FNDC3B: variants seen among roughly 807,000 people sequenced by gnomAD.
FNDC3B encodes the protein fibronectin type III domain-containing protein 3B.
A neutral mutation model predicts 151.5 loss-of-function variants in FNDC3B; 12 were observed. The ratio of observed to expected loss-of-function variants is 0.08; its 90% CI spans 0.05 to 0.13. The LOEUF is 0.13. Among genes scored for constraint, FNDC3B ranks in the 10% least tolerant of loss-of-function variants. FNDC3B has a pLI of 1.00. For synonymous variants in FNDC3B, 528 were observed against 549.0 expected (o/e 0.96, Z 0.54); for missense variants, 1,214 against 1,505.3 (o/e 0.81, Z 3.20).
Position 172,319,768 on chromosome 3 carries a change from T to A in FNDC3B, c.1254+8887T>A, listed in dbSNP as rs758380830. On this transcript the variant is annotated intron_variant, in intron 11 of 25. Coordinates refer to ENST00000415807, the MANE Select transcript of FNDC3B (RefSeq NM_022763.4). ...TTATTTCTGAAGCCAACATTGGTCTTTGATGTTGCCTAGGATCAGCCGGTG... is the reference window on the plus strand; with the variant it reads ...TTATTTCTGAAGCCAACATTGGTCTATGATGTTGCCTAGGATCAGCCGGTG... 3.9e-5 allele frequency among the ~76,000 whole-genome samples: 6 copies of A among 152,336 alleles called. No individual in the cohort carries two copies. In the East Asian group the frequency reaches 7.7e-4, roughly 20 times the overall value.
chr3:172,104,080 A>G (rs1183062602), intron 1 of FNDC3B, among the ~76,000 whole-genome samples: 27 of 152,184 alleles, frequency 1.8e-4, no homozygotes, highest in Admixed American at 1.7e-3. Context: ...TCTTTTCTCA[A>G]CATTTTACTT....
chr3:172,198,075 CT>C (rs2108683783), intron 3 of FNDC3B, among the ~76,000 whole-genome samples: 1 of 152,126 alleles, frequency 6.6e-6, no homozygotes, highest in Non-Finnish European at 1.5e-5. Context: ...TTTTTTAATG[CT>C]CAAAATTCCT....
At chr3:172,084,470 T>TACACACACACACAC (rs774135456) in intron 1 of FNDC3B, among the ~76,000 whole-genome samples, 1,203 of 46,564 alleles carry the variant, frequency 0.026, 10 homozygotes, top group Admixed American at 0.057. Context: ...TATGTATATG[T>TACACACACACACAC]ATACACACAC....
At chr3:172,041,397 C>CTT (rs1481810219) in intron 1 of FNDC3B, among the ~76,000 whole-genome samples, 10 of 148,030 alleles carry the variant, frequency 6.8e-5, no homozygotes, top group Non-Finnish European at 1.3e-4. Flanking sequence ...TTCTTTCTTT[C>CTT]TTTCTCCTTC....
intron 23 of FNDC3B, among the ~76,000 whole-genome samples, chr3:172,367,294 TTAC>T (rs1734679703): frequency 3.3e-5 from 5 of 152,054 alleles, no homozygotes; most frequent in African/African-American, 1.2e-4. Context: ...TTTTCTTGAA[TTAC>T]TACTATGTGC....
At chr3:172,124,310 C>T (rs567193517) in intron 2 of FNDC3B, among the ~76,000 whole-genome samples, 27 of 152,322 alleles carry the variant, frequency 1.8e-4, no homozygotes, top group African/African-American at 6.5e-4. Context: ...AGTCTGGTCT[C>T]GAAGTCCCAG....
intron 3 of FNDC3B, among the ~76,000 whole-genome samples, chr3:172,202,274 T>C (rs764939052): frequency 3.9e-5 from 6 of 152,232 alleles, no homozygotes; most frequent in Non-Finnish European, 5.9e-5. Context: ...CAAAAAGGCG[T>C]CTTTCCTTTA....
chr3:172,042,955 C>T (rs1163616360), intron 1 of FNDC3B, among the ~76,000 whole-genome samples: 2 of 152,074 alleles, frequency 1.3e-5, no homozygotes, highest in Non-Finnish European at 2.9e-5. Context: ...CGCTCTGTAG[C>T]CCAGGCTGGA....
intron 5 of FNDC3B, among the ~76,000 whole-genome samples, chr3:172,250,878 G>A (rs1181885022): frequency 2.0e-5 from 3 of 152,126 alleles, no homozygotes; most frequent in African/African-American, 7.2e-5. Flanking sequence ...GTGCAGTGAT[G>A]CAATCTCAGT....
At chr3:172,242,643 G>T (rs184215905) in intron 4 of FNDC3B, among the ~76,000 whole-genome samples, 2 of 152,296 alleles carry the variant, frequency 1.3e-5, no homozygotes, top group East Asian at 3.9e-4. Flanking sequence ...ACAGCATGGG[G>T]ACTCTGGGCC....
chr3:172,057,532 T>C (rs1716972932), intron 1 of FNDC3B, among the ~76,000 whole-genome samples: 1 of 152,066 alleles, frequency 6.6e-6, no homozygotes, highest in African/African-American at 2.4e-5. Context: ...TAAAAGGGGT[T>C]GGGGGGAAGA....
In FNDC3B at chr3:172,043,617, T is replaced by C. The variant is rs901686426; in HGVS notation, c.-29+3846T>C. The stretch of plus-strand genomic sequence containing the variant: ...TAGTTCATTTTTCTTTCTTCTACGA[T>C]ATCAGAAGTTACATTCAGCCCTTAA... On this transcript the variant is annotated intron_variant, in intron 1 of 25. Coordinates refer to ENST00000415807, the MANE Select transcript of FNDC3B (RefSeq NM_022763.4). Among the ~76,000 whole-genome samples the C allele has an allele frequency of 4.6e-5, 7 of 152,216 alleles. No homozygotes were observed. The South Asian group carries it at 1.4e-3, about 31-fold the overall frequency.
At chr3:172,256,134 G>A (rs1728331723) in intron 6 of FNDC3B, among the ~76,000 whole-genome samples, 1 of 152,136 alleles carries the variant, frequency 6.6e-6, no homozygotes, top group African/African-American at 2.4e-5. Flanking sequence ...CTCACCTCTT[G>A]TGGCCCTTCA....
intron 7 of FNDC3B, among the ~76,000 whole-genome samples, chr3:172,293,536 G>A (rs1730447225): frequency 6.6e-6 from 1 of 152,078 alleles, no homozygotes; most frequent in African/African-American, 2.4e-5. Context: ...TGTCCTTAGG[G>A]AGTCTCAAAG....
chr3:172,241,034 T>C (rs1727465330), intron 4 of FNDC3B, among the ~76,000 whole-genome samples: 1 of 152,150 alleles, frequency 6.6e-6, no homozygotes, highest in African/African-American at 2.4e-5. Context: ...ACAGACATGA[T>C]AAAGAATCAG....
chr3:172,252,840 T>C (rs1728156709), intron 6 of FNDC3B, among the ~76,000 whole-genome samples: 1 of 152,156 alleles, frequency 6.6e-6, no homozygotes, highest in Admixed American at 6.5e-5. Flanking sequence ...AAACAAAACA[T>C]AAATCAATAT....
intron 3 of FNDC3B, among the ~76,000 whole-genome samples, chr3:172,222,154 ATT>A (rs1350749082): frequency 6.6e-6 from 1 of 152,230 alleles, no homozygotes; most frequent in African/African-American, 2.4e-5. Flanking sequence ...GCTAATGGCT[ATT>A]GTTGAAAAAT....
At chr3:172,210,898 T>A (rs1725702908) in intron 3 of FNDC3B, among the ~76,000 whole-genome samples, 1 of 152,232 alleles carries the variant, frequency 6.6e-6, no homozygotes, top group Admixed American at 6.5e-5. Flanking sequence ...ATACATAGAA[T>A]CATTAAATCA....
At chr3:172,046,012 T>C (rs1448454732) in intron 1 of FNDC3B, among the ~76,000 whole-genome samples, 1 of 151,950 alleles carries the variant, frequency 6.6e-6, no homozygotes, top group Non-Finnish European at 1.5e-5. Flanking sequence ...GAGGGGAGTT[T>C]GTTTGTGGTG....
Sources: allele counts gnomAD v4.1 joint callset (sites outside exome capture counted in the v4.1 genomes callset), GRCh38; gene constraint gnomAD v4.1.1; transcripts MANE v1.5; gene names NCBI Gene and HGNC (gene_info 2026-07-23, HGNC 2026-07-21).